Variants in GPM6A observed in about 807,000 individuals in gnomAD.
GPM6A encodes neuronal membrane glycoprotein M6-a.
In GPM6A, 7 loss-of-function variants were observed where a neutral mutation model predicts 32.1. The ratio of observed to expected loss-of-function variants is 0.22; its 90% CI spans 0.12 to 0.41. The LOEUF (loss-of-function observed/expected upper bound fraction) is 0.41, where lower values mean the gene tolerates loss of function less well. Among genes scored for constraint, GPM6A ranks in the 10% least tolerant of loss-of-function variants. The pLI is 1.00. For missense variants in GPM6A, 235 were observed against 347.2 expected (o/e 0.68, Z 2.57); for synonymous variants, 130 against 123.4 (o/e 1.05, Z -0.35).
intron 1 of GPM6A, among the ~76,000 whole-genome samples, chr4:175,757,460 C>G (rs930069477): frequency 1.3e-5 from 2 of 152,068 alleles, no homozygotes; most frequent in African/African-American, 4.8e-5. Flanking sequence ...TAAAAATGTT[C>G]GTTGTTGCTT....
intron 1 of GPM6A, among the ~76,000 whole-genome samples, chr4:175,903,282 A>G (rs1191430880): frequency 1.3e-5 from 1 of 74,140 alleles, no homozygotes; most frequent in Non-Finnish European, 3.2e-5. Flanking sequence ...ATTGTAATTC[A>G]TTGAAAAAAA....
chr4:175,748,851 C>A (rs541269433), intron 1 of GPM6A, among the ~76,000 whole-genome samples: 3 of 152,268 alleles, frequency 2.0e-5, no homozygotes, highest in South Asian at 4.1e-4. Flanking sequence ...TTTAGTGTAG[C>A]CACCTCCATC....
chr4:175,973,412 TGAC>T (rs2126426940), intron 1 of GPM6A, among the ~76,000 whole-genome samples: 1 of 152,356 alleles, frequency 6.6e-6, no homozygotes, highest in South Asian at 2.1e-4. Context: ...ATGAAAGCTG[TGAC>T]TCCTTTGAGG....
chr4:175,741,505 C>A (rs181179205), intron 1 of GPM6A, among the ~76,000 whole-genome samples: 1 of 152,206 alleles, frequency 6.6e-6, no homozygotes, highest in Admixed American at 6.5e-5. Context: ...GAATGCACGA[C>A]CCTTCATTAT....
chr4:175,855,039 C>T (rs1304517349), intron 1 of GPM6A, among the ~76,000 whole-genome samples: 2 of 152,060 alleles, frequency 1.3e-5, no homozygotes, highest in African/African-American at 2.4e-5. Flanking sequence ...TGGTCCCAAC[C>T]AACAAACTTA....
intron 1 of GPM6A, among the ~76,000 whole-genome samples, chr4:175,871,624 A>T (rs1736912808): frequency 6.6e-6 from 1 of 152,086 alleles, no homozygotes; most frequent in Non-Finnish European, 1.5e-5. Context: ...TAATGACACT[A>T]TCCCCTATAT....
intron 1 of GPM6A, chr4:175,807,050 T>C (rs1734724589): frequency 6.6e-6 from 1 of 152,250 alleles, no homozygotes; most frequent in African/African-American, 2.4e-5. Context: ...TTTGATGTTG[T>C]TTTTGTTATT....
chr4:175,898,683 C>T (rs1165417241), intron 1 of GPM6A, among the ~76,000 whole-genome samples: 8 of 152,044 alleles, frequency 5.3e-5, no homozygotes, highest in Admixed American at 5.2e-4. Context: ...CAACAATGGC[C>T]CTCAAAAAAT....
chr4:175,965,266 T>C (rs1476755051), intron 1 of GPM6A, among the ~76,000 whole-genome samples: 1 of 152,188 alleles, frequency 6.6e-6, no homozygotes, highest in Middle Eastern at 3.4e-3. Flanking sequence ...CAGAAAGCTA[T>C]AAATCGTAAA....
chr4:175,994,717 G>T (rs2126466708), intron 1 of GPM6A, among the ~76,000 whole-genome samples: 1 of 152,244 alleles, frequency 6.6e-6, no homozygotes, highest in African/African-American at 2.4e-5. Context: ...ATAAGATAAT[G>T]AATTGCATTT....
Position 175,634,140 on chromosome 4 carries a change from A to C in GPM6A, c.*765T>G, listed in dbSNP as rs1247090020. On this transcript the variant is annotated 3_prime_UTR_variant, in exon 7 of 7. Transcript: ENST00000393658. ...CATTAAAATTGTCTCTATATACTAA[A>C]CTTTAAAAGGTAAGCCTGGTGTCAC... 6.6e-6 allele frequency: 1 copy of C among 152,568 alleles called. No individual in the cohort carries two copies. The highest frequency in any genetic ancestry group is 2.4e-5 in the African/African-American group (1 of 41,444). The allele number at this position is 152,568 out of a possible 1,614,324, so 9.5% of individuals were successfully genotyped here. A position where few individuals can be genotyped will look rare whatever the true frequency, so the allele number is the denominator to read the frequency against.
chr4:175,784,050 G>T (rs1298803140), intron 1 of GPM6A, among the ~76,000 whole-genome samples: 1 of 152,032 alleles, frequency 6.6e-6, no homozygotes, highest in South Asian at 2.1e-4. Flanking sequence ...TCAAAGTGAA[G>T]TAACCTAGTA....
At chr4:175,746,178 C>T (rs574772885) in intron 1 of GPM6A, among the ~76,000 whole-genome samples, 40 of 152,052 alleles carry the variant, frequency 2.6e-4, no homozygotes, top group African/African-American at 8.4e-4. Context: ...CCATACATTC[C>T]GATTCAGAAA....
chr4:175,744,877 G>A (rs1732035427), intron 1 of GPM6A, among the ~76,000 whole-genome samples: 1 of 152,158 alleles, frequency 6.6e-6, no homozygotes, highest in Admixed American at 6.5e-5. Flanking sequence ...AAGTATCAGG[G>A]AGGCTGAGAA....
At chr4:175,913,339 C>A (rs189102709) in intron 1 of GPM6A, among the ~76,000 whole-genome samples, 33 of 152,298 alleles carry the variant, frequency 2.2e-4, no homozygotes, top group African/African-American at 7.0e-4. Context: ...ATATATGGAA[C>A]AAGAATGCAT....
At chr4:175,906,639 A>C (rs1738140171) in intron 1 of GPM6A, 1 of 152,148 alleles carries the variant, frequency 6.6e-6, no homozygotes, top group South Asian at 2.1e-4. Context: ...AGACTCTTTG[A>C]AATCCAGTTT....
chr4:175,662,929 G>T (rs1365495368), intron 3 of GPM6A, among the ~76,000 whole-genome samples: 1 of 152,122 alleles, frequency 6.6e-6, no homozygotes, highest in African/African-American at 2.4e-5. Context: ...AAACATGGTA[G>T]TGAAATAACT....
intron 1 of GPM6A, among the ~76,000 whole-genome samples, chr4:175,791,726 C>A (rs1412851030): frequency 6.6e-6 from 1 of 152,000 alleles, no homozygotes; most frequent in Non-Finnish European, 1.5e-5. Flanking sequence ...ATATTTATTA[C>A]AAAATAGAGA....
At chr4:175,976,155 G>T (rs933023415) in intron 1 of GPM6A, among the ~76,000 whole-genome samples, 1 of 145,896 alleles carries the variant, frequency 6.9e-6, no homozygotes, top group Admixed American at 6.8e-5. Context: ...TAAATATGTC[G>T]TCTTTTTTTT....
Sources: allele counts gnomAD v4.1 joint callset (sites outside exome capture counted in the v4.1 genomes callset), GRCh38; gene constraint gnomAD v4.1.1; transcripts MANE v1.5; gene names NCBI Gene and HGNC (gene_info 2026-07-23, HGNC 2026-07-21).